Variants in SLC49A4 observed in about 807,000 individuals in gnomAD.
The protein encoded by SLC49A4 is disrupted in renal cancer protein 2.
In SLC49A4, 36 loss-of-function variants were observed where a neutral mutation model predicts 50.6. The observed-to-expected ratio is 0.71, with a 90% CI of 0.55 to 0.94. The LOEUF (loss-of-function observed/expected upper bound fraction) is 0.94, where lower values mean the gene tolerates loss of function less well. Among genes scored for constraint, SLC49A4 ranks in the 40% least tolerant of loss-of-function variants. The probability of loss-of-function intolerance (pLI) is 0.00; values close to 1 mark genes in which losing one functional copy is unlikely to be tolerated. For synonymous variants in SLC49A4, 248 were observed against 241.2 expected (o/e 1.03, Z -0.26); for missense variants, 503 against 605.7 (o/e 0.83, Z 1.78).
chr3:122,850,992 CTT>C (rs1936918944), intron 5 of SLC49A4, among the ~76,000 whole-genome samples: 2 of 152,082 alleles, frequency 1.3e-5, no homozygotes, highest in African/African-American at 4.8e-5. Flanking sequence ...GTTATAGACT[CTT>C]TTACTGTTTA....
At chr3:122,858,517 A>C (rs1937017947) in intron 6 of SLC49A4, among the ~76,000 whole-genome samples, 1 of 152,194 alleles carries the variant, frequency 6.6e-6, no homozygotes, top group African/African-American at 2.4e-5. Flanking sequence ...AATTTAAGTC[A>C]CTGGGCAAAA....
chr3:122,845,355 C>T (rs772584247), intron 4 of SLC49A4, among the ~76,000 whole-genome samples: 1 of 152,142 alleles, frequency 6.6e-6, no homozygotes, highest in African/African-American at 2.4e-5. Context: ...TTTTCTTTAT[C>T]CAGTCTACCA....
intron 5 of SLC49A4, among the ~76,000 whole-genome samples, chr3:122,852,706 A>G (rs1419622137): frequency 6.6e-6 from 1 of 152,142 alleles, no homozygotes; most frequent in African/African-American, 2.4e-5. Flanking sequence ...CAGAGTGCCC[A>G]GTTAAAACCC....
At chr3:122,851,709 A>G (rs2107576288) in intron 5 of SLC49A4, among the ~76,000 whole-genome samples, 1 of 152,156 alleles carries the variant, frequency 6.6e-6, no homozygotes, top group Non-Finnish European at 1.5e-5. Flanking sequence ...ATTTCTAGTC[A>G]GTGTCTCTTC....
chr3:122,845,158 T>C (rs1450326326), intron 4 of SLC49A4, among the ~76,000 whole-genome samples: 3 of 152,106 alleles, frequency 2.0e-5, no homozygotes, highest in African/African-American at 7.2e-5. Flanking sequence ...GTTTTTCCCT[T>C]CTTTGTGTCC....
chr3:122,799,127 C>T (rs1325384107), intron 1 of SLC49A4, among the ~76,000 whole-genome samples: 1 of 152,150 alleles, frequency 6.6e-6, no homozygotes, highest in East Asian at 1.9e-4. Flanking sequence ...GTGTGTTCCA[C>T]GCACTGGGGA....
chr3:122,876,712 C>T (rs1937272242), intron 8 of SLC49A4, among the ~76,000 whole-genome samples: 3 of 152,166 alleles, frequency 2.0e-5, no homozygotes, highest in East Asian at 1.9e-4. Flanking sequence ...AAACCGAAAG[C>T]GTGACTCCAC....
intron 3 of SLC49A4, among the ~76,000 whole-genome samples, chr3:122,828,491 C>T (rs548586091): frequency 1.3e-4 from 20 of 152,266 alleles, no homozygotes; most frequent in African/African-American, 4.6e-4. Context: ...CACCCTGGTA[C>T]GTTCAAGCCC....
At chr3:122,874,781 G>T (rs968447067) in intron 8 of SLC49A4, among the ~76,000 whole-genome samples, 1 of 152,086 alleles carries the variant, frequency 6.6e-6, no homozygotes, top group East Asian at 1.9e-4. Context: ...CAGGAAAAAG[G>T]TCTCATTAAA....
At chr3:122,813,965 T>C (rs1441626933) in intron 2 of SLC49A4, among the ~76,000 whole-genome samples, 1 of 152,162 alleles carries the variant, frequency 6.6e-6, no homozygotes, top group East Asian at 1.9e-4. Context: ...TTAAAGACAT[T>C]GCTTTATTTC....
intron 5 of SLC49A4, among the ~76,000 whole-genome samples, chr3:122,851,767 T>C (rs1350191294): frequency 2.6e-5 from 4 of 152,184 alleles, no homozygotes; most frequent in African/African-American, 9.6e-5. Flanking sequence ...ATTCTAACTA[T>C]ATACATTATA....
chr3:122,835,401 C>G (rs1936665870), intron 4 of SLC49A4, among the ~76,000 whole-genome samples: 1 of 152,152 alleles, frequency 6.6e-6, no homozygotes, highest in Non-Finnish European at 1.5e-5. Context: ...CTGAATCCAA[C>G]AGCACATCAG....
chr3:122,825,385 C>T (rs749887390), intron 2 of SLC49A4, among the ~76,000 whole-genome samples: 44 of 152,016 alleles, frequency 2.9e-4, no homozygotes, highest in South Asian at 8.3e-4. Context: ...AAATAATTCC[C>T]CTTACACAGA....
intron 5 of SLC49A4, among the ~76,000 whole-genome samples, chr3:122,850,702 C>A (rs554169082): frequency 6.6e-6 from 1 of 152,142 alleles, no homozygotes; most frequent in East Asian, 1.9e-4. Flanking sequence ...GAGATGAAGT[C>A]TCTATGTTTC....
intron 2 of SLC49A4, among the ~76,000 whole-genome samples, chr3:122,817,543 T>A (rs914390531): frequency 4.5e-4 from 68 of 151,184 alleles, no homozygotes; most frequent in East Asian, 5.8e-4. Flanking sequence ...CATGTGTGTG[T>A]GAGAGAGAGA....
chr3:122,860,244 T>C, intron 7 of SLC49A4, 42 bp downstream of exon 7: 2 of 1,534,114 alleles, frequency 1.3e-6, no homozygotes, highest in Non-Finnish European at 1.8e-6. Flanking sequence ...AATATTTTCA[T>C]TCACAGAAGT....
chr3:122,838,905 A>G (rs890228226), intron 4 of SLC49A4, among the ~76,000 whole-genome samples: 1 of 152,140 alleles, frequency 6.6e-6, no homozygotes, highest in Non-Finnish European at 1.5e-5. Context: ...ATTCATATGT[A>G]ACCAAAAAAG....
At chr3:122,814,696 C>T (rs1406327504) in intron 2 of SLC49A4, among the ~76,000 whole-genome samples, 4 of 152,184 alleles carry the variant, frequency 2.6e-5, no homozygotes, top group African/African-American at 7.2e-5. Context: ...GGCATGCATG[C>T]GGCCCAGGAT....
At chr3:122,798,774 A>G (rs1936088904) in intron 1 of SLC49A4, among the ~76,000 whole-genome samples, 1 of 149,126 alleles carries the variant, frequency 6.7e-6, no homozygotes, top group South Asian at 2.1e-4. Context: ...AGTAGCTGAG[A>G]CTACAGGCAC....
Sources: gnomAD v4.1 joint callset for allele counts (sites outside exome capture counted in the v4.1 genomes callset) on GRCh38, gnomAD v4.1.1 for gene constraint, MANE v1.5 for transcripts, NCBI Gene and HGNC (gene_info 2026-07-23, HGNC 2026-07-21) for gene names.